Variants in PHF19 observed in about 807,000 individuals in gnomAD.
PHF19 encodes the protein PHD finger protein 19, also known as polycomb like 3.
In PHF19, 21 loss-of-function variants were observed where a neutral mutation model predicts 79.8. The observed-to-expected ratio is 0.26, with a 90% CI of 0.19 to 0.38. The LOEUF is 0.38. Among genes scored for constraint, PHF19 ranks in the 10% least tolerant of loss-of-function variants. The pLI is 1.00. For missense variants in PHF19, 445 were observed against 744.2 expected, an observed-to-expected ratio of 0.60 and a Z score of 4.68; for synonymous variants, 273 against 296.3, an observed-to-expected ratio of 0.92 and a Z score of 0.81.
chr9:120,858,369 G>C (rs2045407934), intron 14 of PHF19, 83 bp from the exon 15 acceptor site: 1 of 1,063,980 alleles, frequency 9.4e-7, no homozygotes, highest in African/African-American at 1.6e-5. Flanking sequence ...CCTCCCCTCA[G>C]TACCAGGAAA....
rs1314769062 is a variant in PHF19 at position 120,870,525 on chromosome 9, T to A, written c.282A>T (p.Gly94=). 6.2e-7 allele frequency: 1 copy of A among 1,609,398 alleles called. No homozygotes were observed. Among genetic ancestry groups the A allele is most frequent in the Admixed American group, 1.7e-5 (1 of 60,018 alleles). ...WKDIQHAGVP[G]EEPKCNICLG... ...GGCAGATGTTGCACTTGGGCTCCTCTCCTGGAACACCGGCTGAAAGAGAGG... is the reference window on the plus strand; with the variant it reads ...GGCAGATGTTGCACTTGGGCTCCTCACCTGGAACACCGGCTGAAAGAGAGG... The change falls in exon 4 of 15, where the codon GGA becomes GGT. Residue 94 remains glycine (G), a synonymous_variant. Transcript: ENST00000373896. The surrounding 1 kb of genome is among the most constrained non-coding windows in gnomAD (Gnocchi z 4.4).
rs2045827057 is a variant in PHF19 at position 120,869,586 on chromosome 9, A to G, written c.466-256T>C. 2 of 1,470,184 alleles carry G rather than the reference A, an allele frequency of 1.4e-6. No homozygotes were observed. The highest frequency in any genetic ancestry group is 1.8e-6 in the Non-Finnish European group (2 of 1,112,864). The allele number at this position is 1,470,184 out of a possible 1,614,324, so 91.1% of individuals were successfully genotyped here. ...CAATTACCAACATGTATTTACATGG[A>G]TTTTCTTTTTTAATAGTAAAGCATC... On this transcript the variant is annotated intron_variant, in intron 5 of 14. Transcript: ENST00000373896. This position sits in a 1 kb window ranked among gnomAD's most constrained non-coding sequence, Gnocchi z 5.8.
chr9:120,895,188 A>G (rs909171165), upstream of PHF19, among the ~76,000 whole-genome samples: 3 of 152,188 alleles, frequency 2.0e-5, no homozygotes, highest in Admixed American at 6.5e-5. Flanking sequence ...TTTCTATCCA[A>G]ACTCCAGAGG....
chr9:120,868,786 G>C, intron 6 of PHF19: 1 of 989,046 alleles, frequency 1.0e-6, no homozygotes, highest in African/African-American at 1.7e-5. Flanking sequence ...CCCTCCACAG[G>C]GTGCTTCTCG....
Position 120,858,218 on chromosome 9 carries a change from C to A in PHF19, c.1469G>T (p.Trp490Leu). 6.3e-7 allele frequency: 1 copy of A among 1,581,002 alleles called. No homozygotes were observed. The change falls in exon 15 of 15, where the codon TGG (tryptophan) becomes TTG (leucine). Residue 490 changes from tryptophan to leucine, a missense_variant. Physicochemically the swap from Trp to Leu is moderately conservative, Grantham distance 61 (BLOSUM62 -2). Around this residue, in one of 5 missense-constraint regions of PHF19, gnomAD observed 125 missense variants for 180.5 expected, o/e 0.69. Coordinates refer to ENST00000373896, the MANE Select transcript of PHF19 (RefSeq NM_015651.3). ...GCAGCGTCCATCCAGCTCAGCTGCC[C>A]ACCGCTTTGCCCGCAGGGGCATGTA... ...KAYMPLRAKR[W>L]AAELDGRCPS...
intron 1 of PHF19, among the ~76,000 whole-genome samples, chr9:120,888,267 C>T (rs1217559424): frequency 3.3e-5 from 5 of 152,306 alleles, no homozygotes; most frequent in Admixed American, 6.5e-5. Context: ...TGAGCCACCG[C>T]GCCTGGCCCA....
upstream of PHF19, among the ~76,000 whole-genome samples, chr9:120,897,207 A>G (rs905675029): frequency 6.6e-6 from 1 of 152,230 alleles, no homozygotes; most frequent in African/African-American, 2.4e-5. Flanking sequence ...TGGCAGGGAG[A>G]TGGCAGTCCT....
intron 9 of PHF19, among the ~76,000 whole-genome samples, chr9:120,864,440 C>CAA (rs11400571): frequency 2.1e-4 from 32 of 151,360 alleles, no homozygotes; most frequent in Admixed American, 1.1e-3. Flanking sequence ...ACTTTACATA[C>CAA]AAAAAAAAAT....
Position 120,869,120 on chromosome 9 carries a change from C to T in PHF19, c.614+62G>A. On this transcript the variant is annotated intron_variant, in intron 6 of 14. Coordinates refer to ENST00000373896, the MANE Select transcript of PHF19 (RefSeq NM_015651.3). This position sits in a 1 kb window ranked among gnomAD's most constrained non-coding sequence, Gnocchi z 5.8. Reference sequence around the variant, plus strand: ...GCCAGGCTCGCTCCCTATGGGCGGTCCCTGCTGGCGATTCTTGGAGACCTG... The same window carrying T: ...GCCAGGCTCGCTCCCTATGGGCGGTTCCTGCTGGCGATTCTTGGAGACCTG... The T allele has an allele frequency of 1.3e-6, 2 of 1,520,262 alleles. No homozygotes were observed. Among genetic ancestry groups the T allele is most frequent in the Non-Finnish European group, 1.8e-6 (2 of 1,129,906 alleles). The allele number at this position is 1,520,262 out of a possible 1,614,324, so 94.2% of individuals were successfully genotyped here. A position where few individuals can be genotyped will look rare whatever the true frequency, so the allele number is the denominator to read the frequency against.
chr9:120,864,162 G>A lies in PHF19; in HGVS notation c.901-46C>T, dbSNP rs765439945. 65 of 1,538,354 alleles carry A rather than the reference G, an allele frequency of 4.2e-5. No homozygotes were observed. In the East Asian group the frequency reaches 9.6e-4, roughly 23 times the overall value. On this transcript the variant is annotated intron_variant, in intron 9 of 14. Coordinates refer to ENST00000373896, the MANE Select transcript of PHF19 (RefSeq NM_015651.3). ...AGGACATCAGACCCAGGCATATGGC[G>A]CATGGGGAGGCCCAAGCCCCTACTC...
chr9:120,877,112 G>T lies in PHF19; in HGVS notation c.-37C>A. 1.0e-6 allele frequency: 1 copy of T among 985,262 alleles called. No individual in the cohort carries two copies. Among genetic ancestry groups the T allele is most frequent in the Non-Finnish European group, 1.2e-6 (1 of 829,894 alleles). The allele number at this position is 985,262 out of a possible 1,614,324, so 61.0% of individuals were successfully genotyped here. ...TCACCGCGAGGCTGCGTGTCCGCCGGTCCCACTTGGAGTCTGGCCACCAGG... is the reference window on the plus strand; with the variant it reads ...TCACCGCGAGGCTGCGTGTCCGCCGTTCCCACTTGGAGTCTGGCCACCAGG... On this transcript the variant is annotated 5_prime_UTR_variant, in exon 1 of 15. Coordinates refer to ENST00000373896, the MANE Select transcript of PHF19 (RefSeq NM_015651.3).
rs540591735 is a variant in PHF19, at chr9:120,860,835, A to C, written c.1304+254T>G. ...AAGGGTATCTCAGGCAGAGGGAGCA[A>C]TACGAGCAAAGATGAGCAAGCATCA... On this transcript the variant is annotated intron_variant, in intron 13 of 14. Coordinates refer to ENST00000373896, the MANE Select transcript of PHF19 (RefSeq NM_015651.3). The surrounding 1 kb of genome is among the most constrained non-coding windows in gnomAD (Gnocchi z 4.1). The C allele has an allele frequency of 7.0e-6, 3 of 431,576 alleles. No homozygotes were observed. The highest frequency in any genetic ancestry group is 6.0e-5 in the African/African-American group (3 of 50,264). The allele number at this position is 431,576 out of a possible 1,614,324, so 26.7% of individuals were successfully genotyped here. A position where few individuals can be genotyped will look rare whatever the true frequency, so the allele number is the denominator to read the frequency against.
intron 6 of PHF19, among the ~76,000 whole-genome samples, chr9:120,868,087 G>C (rs1013729822): frequency 3.3e-5 from 5 of 151,734 alleles, no homozygotes; most frequent in African/African-American, 1.2e-4. Flanking sequence ...TCTATTTTTG[G>C]AGACAGGGTC....
chr9:120,863,748 C>T (rs1278845490), intron 10 of PHF19, among the ~76,000 whole-genome samples: 3 of 152,178 alleles, frequency 2.0e-5, no homozygotes, highest in Non-Finnish European at 4.4e-5. Context: ...ATGATGCACC[C>T]ATCCCTCAGT....
chr9:120,861,296 T>A, intron 12 of PHF19, 122 bp from the exon 13 acceptor site: 1 of 729,040 alleles, frequency 1.4e-6, no homozygotes, highest in Non-Finnish European at 2.5e-6. Flanking sequence ...GGTAAGACCA[T>A]CACCTTTATT....
At chr9:120,883,588 A>C (rs2046220020) in intron 1 of PHF19, among the ~76,000 whole-genome samples, 2 of 152,046 alleles carry the variant, frequency 1.3e-5, no homozygotes. Context: ...GTGAAATCCC[A>C]TCTCTACCAA....
upstream of PHF19, among the ~76,000 whole-genome samples, chr9:120,898,208 C>T (rs1169933608): frequency 6.6e-6 from 1 of 152,178 alleles, no homozygotes; most frequent in African/African-American, 2.4e-5. Context: ...TCTCCGCCTC[C>T]TGGGTTCAAG....
At chr9:120,867,663 A>C (rs1183461133) in intron 6 of PHF19, among the ~76,000 whole-genome samples, 1 of 152,250 alleles carries the variant, frequency 6.6e-6, no homozygotes, top group East Asian at 1.9e-4. Context: ...TTAATGCAGG[A>C]AAGGTTTCCA....
chr9:120,882,372 G>A (rs563898951), intron 1 of PHF19, among the ~76,000 whole-genome samples: 29 of 152,304 alleles, frequency 1.9e-4, no homozygotes, highest in African/African-American at 5.3e-4. Context: ...CAAAAAGCAC[G>A]AGGAAGAAAA....
Sources: allele counts gnomAD v4.1 joint callset (sites outside exome capture counted in the v4.1 genomes callset), GRCh38; gene constraint gnomAD v4.1.1; regional missense constraint gnomAD v4.1.1; non-coding constraint Gnocchi (gnomAD v3.1); transcripts MANE v1.5; gene names NCBI Gene and HGNC (gene_info 2026-07-23, HGNC 2026-07-21).